The following AUTS2 variants were observed in gnomAD, a reference collection of about 807,000 sequenced individuals.
AUTS2 encodes activator of transcription and developmental regulator AUTS2.
AUTS2 carries 17 observed loss-of-function variants against 112.4 expected under a neutral mutation model. The ratio of observed to expected loss-of-function variants is 0.15; its 90% CI spans 0.10 to 0.23. The LOEUF is 0.23. Among genes scored for constraint, AUTS2 ranks in the 10% least tolerant of loss-of-function variants. The pLI, the probability that AUTS2 is intolerant of heterozygous loss-of-function variation, is 1.00. For missense variants in AUTS2, 1,510 were observed against 1,701.6 expected, an observed-to-expected ratio of 0.89 and a Z score of 1.98; for synonymous variants, 751 against 702.7, an observed-to-expected ratio of 1.07 and a Z score of -1.09.
intron 1 of AUTS2, among the ~76,000 whole-genome samples, chr7:69,816,691 T>A (rs1458633090): frequency 1.3e-5 from 2 of 152,300 alleles, no homozygotes; most frequent in East Asian, 3.9e-4. Context: ...TACATCAAAA[T>A]TACAAGATGG....
In AUTS2 at chr7:70,791,412, C is replaced by T. The variant is rs1285799861; in HGVS notation, c.*416C>T. ...ATGTAAAAAGAGATTGCTTCATGAG[C>T]TAATGGTTCATATATGCAAAAGGGT... On this transcript the variant is annotated 3_prime_UTR_variant, in exon 19 of 19. Transcript: ENST00000342771. The T allele has an allele frequency of 6.1e-6, 1 of 163,256 alleles. No individual in the cohort carries two copies. The highest frequency in any genetic ancestry group is 1.3e-5 in the Non-Finnish European group (1 of 75,806). 10.1% of individuals were successfully genotyped at this position (163,256 alleles called of 1,614,324 possible). A position where few individuals can be genotyped will look rare whatever the true frequency, so the allele number is the denominator to read the frequency against.
intron 5 of AUTS2, among the ~76,000 whole-genome samples, chr7:70,620,665 T>C (rs979714224): frequency 2.0e-5 from 3 of 152,172 alleles, no homozygotes; most frequent in African/African-American, 7.2e-5. Context: ...TCTCACCCTT[T>C]TCATTTATTT....
chr7:70,716,525 C>T (rs1258879524), intron 6 of AUTS2, among the ~76,000 whole-genome samples: 5 of 147,816 alleles, frequency 3.4e-5, no homozygotes, highest in East Asian at 2.0e-4. Flanking sequence ...CCCAGCTACT[C>T]GGGAAGCTGA....
rs550177058 is a variant in AUTS2, at chr7:70,766,416, C to T, written c.1689+82C>T. 1.9e-5 allele frequency: 29 copies of T among 1,525,198 alleles called. No homozygotes were observed. The African/African-American group carries it at 2.2e-4, about 11-fold the overall frequency. 94.5% of individuals were successfully genotyped at this position (1,525,198 alleles called of 1,614,324 possible). A position where few individuals can be genotyped will look rare whatever the true frequency, so the allele number is the denominator to read the frequency against. ...CAGCACGTGGGACCGGGCTGGGCAG[C>T]GGGGCCACCAGAGATCGAATGGGGA... On this transcript the variant is annotated intron_variant, in intron 9 of 18. Transcript: ENST00000342771. The surrounding 1 kb of genome is among the most constrained non-coding windows in gnomAD (Gnocchi z 4.8).
At chr7:69,670,526 G>C in intron 1 of AUTS2, among the ~76,000 whole-genome samples, 1 of 117,810 alleles carries the variant, frequency 8.5e-6, no homozygotes, top group Non-Finnish European at 1.7e-5. Context: ...AAAACCATTA[G>C]TAACATGGTT....
At chr7:70,413,021 A>T (rs767205050) in intron 4 of AUTS2, among the ~76,000 whole-genome samples, 5 of 152,122 alleles carry the variant, frequency 3.3e-5, no homozygotes, top group Non-Finnish European at 2.9e-5. Context: ...TAATAATATA[A>T]TGTATGTCCC....
intron 6 of AUTS2, among the ~76,000 whole-genome samples, chr7:70,732,043 T>G (rs1200795120): frequency 6.6e-6 from 1 of 152,134 alleles, no homozygotes; most frequent in East Asian, 1.9e-4. Flanking sequence ...ACTTTTCCCC[T>G]CCAGTATAGG....
chr7:70,038,579 G>A (rs151015603), intron 2 of AUTS2, among the ~76,000 whole-genome samples: 285 of 152,220 alleles, frequency 1.9e-3, no homozygotes, highest in African/African-American at 6.7e-3. Flanking sequence ...TAGGAAATTT[G>A]CATGGGTACA....
chr7:70,583,028 C>T (rs1802521725), intron 5 of AUTS2, among the ~76,000 whole-genome samples: 1 of 152,114 alleles, frequency 6.6e-6, no homozygotes, highest in South Asian at 2.1e-4. Context: ...TTTGTCCAAA[C>T]GCATATTGCC....
intron 4 of AUTS2, among the ~76,000 whole-genome samples, chr7:70,393,598 T>C (rs1421800777): frequency 6.6e-6 from 1 of 152,166 alleles, no homozygotes; most frequent in African/African-American, 2.4e-5. Flanking sequence ...TCTGGTCCTC[T>C]GTCCTTGCGA....
At chr7:70,358,234 G>T (rs773209080) in intron 4 of AUTS2, among the ~76,000 whole-genome samples, 2 of 152,204 alleles carry the variant, frequency 1.3e-5, no homozygotes, top group African/African-American at 2.4e-5. Context: ...TAGATGGACA[G>T]ACCCAAATGG....
intron 1 of AUTS2, among the ~76,000 whole-genome samples, chr7:69,895,635 A>T (rs1258801177): frequency 1.3e-5 from 2 of 151,148 alleles, no homozygotes; most frequent in East Asian, 3.9e-4. Context: ...TTACAAGCTA[A>T]TGTCACGGCA....
In AUTS2 at chr7:69,789,531, T is replaced by G. The variant is rs757866765; in HGVS notation, c.310-109755T>G. 8.5e-5 allele frequency among the ~76,000 whole-genome samples: 13 copies of G among 152,316 alleles called. No homozygotes were observed. In the South Asian group the frequency reaches 1.5e-3, roughly 17 times the overall value. On this transcript the variant is annotated intron_variant, in intron 1 of 18. Coordinates refer to ENST00000342771, the MANE Select transcript of AUTS2 (RefSeq NM_015570.4). The stretch of plus-strand genomic sequence containing the variant: ...AGAACTCTGAGACTTGTATTTCTGC[T>G]GGGACCCAGGGCTACTGCACCTTTC...
rs76409508 is a variant in AUTS2 at position 70,609,833 on chromosome 7, T to C, written c.691-88736T>C. Reference sequence around the variant, plus strand: ...AGCGGACACTTAGGTGAATTCCATGTCTTGGCTAATATGAATAATGCTACA... The same window carrying C: ...AGCGGACACTTAGGTGAATTCCATGCCTTGGCTAATATGAATAATGCTACA... On this transcript the variant is annotated intron_variant, in intron 5 of 18. Coordinates refer to ENST00000342771, the MANE Select transcript of AUTS2 (RefSeq NM_015570.4). Among the ~76,000 whole-genome samples, 1,376 of 152,360 alleles carry C rather than the reference T, an allele frequency of 9.0e-3. 17 individuals are homozygous for C. Among genetic ancestry groups the C allele is most frequent in the African/African-American group, 0.031 (1,308 of 41,590 alleles).
chr7:69,818,780 G>A (rs1312039686), intron 1 of AUTS2, among the ~76,000 whole-genome samples: 1 of 152,192 alleles, frequency 6.6e-6, no homozygotes, highest in Non-Finnish European at 1.5e-5. Flanking sequence ...GAGAGAGTAA[G>A]GTTGAAAGCA....
intron 4 of AUTS2, among the ~76,000 whole-genome samples, chr7:70,270,037 T>C (rs1787614649): frequency 6.6e-6 from 1 of 151,890 alleles, no homozygotes; most frequent in African/African-American, 2.4e-5. Flanking sequence ...GGACCTTGTC[T>C]CAAAAAAAAC....
chr7:69,624,558 C>T (rs1057021632), intron 1 of AUTS2, among the ~76,000 whole-genome samples: 2 of 152,196 alleles, frequency 1.3e-5, no homozygotes, highest in African/African-American at 4.8e-5. Context: ...CAAGCAAACC[C>T]TGCACTTAAG....
intron 4 of AUTS2, among the ~76,000 whole-genome samples, chr7:70,349,040 T>G (rs1791632348): frequency 6.6e-6 from 1 of 152,214 alleles, no homozygotes; most frequent in South Asian, 2.1e-4. Context: ...GCTTTTATAC[T>G]CATCTCATCT....
At position 70,272,338 on chromosome 7, in the gene AUTS2, T is replaced by G. The variant is rs747038771; in HGVS notation, c.660+137767T>G. On this transcript the variant is annotated intron_variant, in intron 4 of 18. Coordinates refer to ENST00000342771, the MANE Select transcript of AUTS2 (RefSeq NM_015570.4). ...TTAATGCACAATCACCTTAGATTTC[T>G]CTTCTGTAATTTTTAAACCTATTCA... is the stretch of plus-strand genomic sequence containing the variant. Among the ~76,000 whole-genome samples, 123 of 152,298 alleles carry G rather than the reference T, an allele frequency of 8.1e-4. 1 individual carries two copies. The highest frequency in any genetic ancestry group is 1.1e-3 in the Non-Finnish European group (75 of 68,030).
Sources: allele counts gnomAD v4.1 joint callset (sites outside exome capture counted in the v4.1 genomes callset), GRCh38; gene constraint gnomAD v4.1.1; non-coding constraint Gnocchi (gnomAD v3.1); transcripts MANE v1.5; gene names NCBI Gene and HGNC (gene_info 2026-07-23, HGNC 2026-07-21).